The following DHRSX variants were observed in gnomAD, a reference collection of about 807,000 sequenced individuals.
The protein encoded by DHRSX is polyprenol dehydrogenase.
DHRSX carries 31 observed loss-of-function variants against 34.0 expected under a neutral mutation model. That is an observed-to-expected ratio of 0.91 (90% CI 0.69 to 1.23). The LOEUF is 1.23. Among genes scored for constraint, DHRSX ranks in the 50% most tolerant of loss-of-function variants. The pLI is 0.00. For missense variants in DHRSX, 414 were observed against 428.1 expected, an observed-to-expected ratio of 0.97 and a Z score of 0.29; for synonymous variants, 201 against 183.8, an observed-to-expected ratio of 1.09 and a Z score of -0.76.
chrX:2,483,831 G>C (rs4497130), intron 1 of DHRSX, among the ~76,000 whole-genome samples: 45,812 of 150,038 alleles, frequency 0.31, 7,943 homozygotes, highest in African/African-American at 0.46. Context: ...AAAGTCCAGC[G>C]GTTATTTTTG....
intron 6 of DHRSX, among the ~76,000 whole-genome samples, chrX:2,221,922 C>T (rs1191680799): frequency 6.6e-6 from 1 of 152,108 alleles, no homozygotes; most frequent in African/African-American, 2.4e-5. Flanking sequence ...GACCTGAGAA[C>T]CTTCAGAGCT....
intron 3 of DHRSX, among the ~76,000 whole-genome samples, chrX:2,363,865 A>G (rs2042968839): frequency 6.6e-6 from 1 of 152,104 alleles, no homozygotes; most frequent in African/African-American, 2.4e-5. Flanking sequence ...GGGAACATGC[A>G]TGATGGAGCT....
At chrX:2,443,368 G>A (rs915218151) in intron 1 of DHRSX, among the ~76,000 whole-genome samples, 1 of 151,758 alleles carries the variant, frequency 6.6e-6, no homozygotes, top group Non-Finnish European at 1.5e-5. Context: ...CTAACTCCTG[G>A]GCAGATATCC....
intron 1 of DHRSX, chrX:2,489,306 C>A (rs2045054066): frequency 6.2e-7 from 1 of 1,613,810 alleles, no homozygotes; most frequent in South Asian, 1.1e-5. Context: ...AGGAAGGTGG[C>A]CACGTTGAGA....
chrX:2,272,018 G>A, intron 4 of DHRSX, among the ~76,000 whole-genome samples: 1 of 152,038 alleles, frequency 6.6e-6, no homozygotes, highest in Non-Finnish European at 1.5e-5. Context: ...TCCAGCCTGG[G>A]CGAAAGAGTG....
At chrX:2,241,268 G>C (rs2016135474) in intron 6 of DHRSX, among the ~76,000 whole-genome samples, 1 of 152,160 alleles carries the variant, frequency 6.6e-6, no homozygotes, top group Admixed American at 6.6e-5. Context: ...CGACAACGAA[G>C]ATCATTGCAG....
At chrX:2,461,912 T>C (rs1417851896) in intron 1 of DHRSX, among the ~76,000 whole-genome samples, 2 of 152,008 alleles carry the variant, frequency 1.3e-5, no homozygotes, top group East Asian at 3.9e-4. Context: ...GGTCTCAAAC[T>C]CCTGGGCTCA....
At chrX:2,465,535 G>A (rs1208817895) in intron 1 of DHRSX, among the ~76,000 whole-genome samples, 5 of 152,050 alleles carry the variant, frequency 3.3e-5, no homozygotes, top group Non-Finnish European at 5.9e-5. Flanking sequence ...AGGCACCGTG[G>A]CTGACACCTG....
intron 3 of DHRSX, among the ~76,000 whole-genome samples, chrX:2,354,797 G>A (rs758366880): frequency 6.6e-6 from 1 of 152,196 alleles, no homozygotes; most frequent in African/African-American, 2.4e-5. Context: ...GAACTGAACG[G>A]ATAAAACAAA....
At chrX:2,452,062 T>G (rs893184409) in intron 1 of DHRSX, among the ~76,000 whole-genome samples, 5 of 149,850 alleles carry the variant, frequency 3.3e-5, no homozygotes, top group African/African-American at 1.2e-4. Context: ...AGATGTTCAC[T>G]AAGCAGGTGA....
chrX:2,367,983 C>T (rs942058758), intron 3 of DHRSX, among the ~76,000 whole-genome samples: 2 of 152,036 alleles, frequency 1.3e-5, no homozygotes, highest in African/African-American at 4.8e-5. Flanking sequence ...AGGCTCACAC[C>T]TGTAATCCCA....
chrX:2,432,138 G>A (rs2043933848), intron 1 of DHRSX, among the ~76,000 whole-genome samples: 1 of 152,006 alleles, frequency 6.6e-6, no homozygotes, highest in Non-Finnish European at 1.5e-5. Context: ...AGCTTGCAGT[G>A]AGCTGAGATC....
chrX:2,223,222 G>C lies in DHRSX; in HGVS notation c.805-1993C>G, dbSNP rs768994875. Among the ~76,000 whole-genome samples the C allele has an allele frequency of 2.0e-5, 3 of 152,092 alleles. No individual in the cohort carries two copies. In the East Asian group the frequency reaches 5.8e-4, roughly 29 times the overall value. ...AATTGAATCATGGGAGATCTTTCTC[G>C]TGCTGTTCTCATGATAATGAATAAG... is the stretch of plus-strand genomic sequence containing the variant. On this transcript the variant is annotated intron_variant, in intron 6 of 6. Coordinates refer to ENST00000334651, the MANE Select transcript of DHRSX (RefSeq NM_145177.3).
At chrX:2,379,506 C>T (rs964086022) in intron 3 of DHRSX, among the ~76,000 whole-genome samples, 6 of 150,984 alleles carry the variant, frequency 4.0e-5, no homozygotes, top group African/African-American at 1.5e-4. Flanking sequence ...TGATCAATCA[C>T]GACTGAAATT....
intron 5 of DHRSX, among the ~76,000 whole-genome samples, chrX:2,262,622 A>G (rs1159287182): frequency 6.6e-6 from 1 of 152,186 alleles, no homozygotes; most frequent in African/African-American, 2.4e-5. Flanking sequence ...TTGCTTCCTC[A>G]GGGCACCATG....
chrX:2,431,185 C>G (rs775741687), intron 1 of DHRSX, among the ~76,000 whole-genome samples: 1 of 151,906 alleles, frequency 6.6e-6, no homozygotes, highest in Non-Finnish European at 1.5e-5. Context: ...ATTAGCCTGG[C>G]GTGGTGGCGG....
intron 1 of DHRSX, among the ~76,000 whole-genome samples, chrX:2,426,363 C>G (rs1340293261): frequency 6.6e-6 from 1 of 151,856 alleles, no homozygotes; most frequent in Non-Finnish European, 1.5e-5. Flanking sequence ...ATCTTTCCTT[C>G]CTTCCTTCCC....
chrX:2,432,989 C>A (rs183422181), intron 1 of DHRSX, among the ~76,000 whole-genome samples: 226 of 151,804 alleles, frequency 1.5e-3, no homozygotes, highest in African/African-American at 5.1e-3. Context: ...CCGGGTGTGG[C>A]GGTGCGTGCC....
chrX:2,373,564 C>T (rs898071707), intron 3 of DHRSX, among the ~76,000 whole-genome samples: 10 of 152,148 alleles, frequency 6.6e-5, no homozygotes, highest in African/African-American at 2.4e-4. Context: ...ACCACGGCTG[C>T]TGCAAGGAAG....
Sources: gnomAD v4.1 joint callset for allele counts (sites outside exome capture counted in the v4.1 genomes callset) on GRCh38, gnomAD v4.1.1 for gene constraint, MANE v1.5 for transcripts, NCBI Gene and HGNC (gene_info 2026-07-23, HGNC 2026-07-21) for gene names.